The following SSBP2 variants were observed in gnomAD, a reference collection of about 807,000 sequenced individuals.
SSBP2 encodes single-stranded DNA-binding protein 2.
Under a neutral mutation model 61.8 loss-of-function variants are expected in SSBP2, and 17 were observed. That is an observed-to-expected ratio of 0.28 (90% CI 0.19 to 0.41). The LOEUF is 0.41. Among genes scored for constraint, SSBP2 ranks in the 10% least tolerant of loss-of-function variants. The pLI is 1.00. For missense variants in SSBP2, 310 were observed against 458.7 expected, an observed-to-expected ratio of 0.68 and a Z score of 2.96; for synonymous variants, 139 against 141.3, an observed-to-expected ratio of 0.98 and a Z score of 0.12.
At chr5:81,604,580 C>T (rs1007967069) in intron 4 of SSBP2, among the ~76,000 whole-genome samples, 6 of 151,690 alleles carry the variant, frequency 4.0e-5, no homozygotes, top group Admixed American at 6.6e-5. Context: ...TTAGCTGATC[C>T]AAGACAAACA....
chr5:81,695,125 T>C (rs1039019732), intron 1 of SSBP2, among the ~76,000 whole-genome samples: 4 of 152,350 alleles, frequency 2.6e-5, no homozygotes, highest in Admixed American at 6.5e-5. Context: ...AATGCCACTG[T>C]AACAGATTTC....
intron 1 of SSBP2, among the ~76,000 whole-genome samples, chr5:81,734,698 G>A (rs1432716968): frequency 2.0e-5 from 3 of 152,056 alleles, no homozygotes; most frequent in East Asian, 1.9e-4. Context: ...TTGGCCGGGC[G>A]CGGTGGCTCA....
intron 4 of SSBP2, among the ~76,000 whole-genome samples, chr5:81,598,392 A>T (rs777130150): frequency 2.6e-5 from 4 of 152,216 alleles, no homozygotes; most frequent in African/African-American, 9.6e-5. Context: ...TCAAAAATGC[A>T]TAAGAAATAT....
chr5:81,467,326 C>T (rs1764958093), intron 8 of SSBP2, among the ~76,000 whole-genome samples: 1 of 151,858 alleles, frequency 6.6e-6, no homozygotes, highest in Non-Finnish European at 1.5e-5. Context: ...TTATTAATAT[C>T]CTAAGATATG....
chr5:81,643,309 C>T (rs926001152), intron 2 of SSBP2, among the ~76,000 whole-genome samples: 5 of 152,160 alleles, frequency 3.3e-5, no homozygotes, highest in Admixed American at 6.6e-5. Context: ...GGGTTCCAAA[C>T]TTTTCATAGT....
At chr5:81,674,719 T>A (rs1385761518) in intron 1 of SSBP2, among the ~76,000 whole-genome samples, 1 of 152,026 alleles carries the variant, frequency 6.6e-6, no homozygotes, top group African/African-American at 2.4e-5. Context: ...ATACTTTTAT[T>A]CCAAAACGGT....
chr5:81,579,624 T>C (rs1774490760), intron 4 of SSBP2, among the ~76,000 whole-genome samples: 1 of 152,132 alleles, frequency 6.6e-6, no homozygotes, highest in South Asian at 2.1e-4. Context: ...ATGGAAATAT[T>C]CTGGTTGTGA....
chr5:81,576,533 A>C (rs1259810288), intron 4 of SSBP2, among the ~76,000 whole-genome samples: 1 of 152,066 alleles, frequency 6.6e-6, no homozygotes, highest in African/African-American at 2.4e-5. Flanking sequence ...CTAGAATTGA[A>C]ACCTAGGCTT....
intron 4 of SSBP2, among the ~76,000 whole-genome samples, chr5:81,578,431 A>G (rs1774393940): frequency 6.6e-6 from 1 of 152,032 alleles, no homozygotes; most frequent in Non-Finnish European, 1.5e-5. Context: ...AAAAATTTTT[A>G]CTTATAAAAA....
intron 12 of SSBP2, among the ~76,000 whole-genome samples, chr5:81,445,142 A>T (rs1411100917): frequency 4.2e-5 from 2 of 47,492 alleles, no homozygotes; most frequent in Admixed American, 2.0e-4. Context: ...AAAATTTTAT[A>T]TATATATATA....
At chr5:81,658,288 A>T (rs1305318948) in intron 1 of SSBP2, among the ~76,000 whole-genome samples, 2 of 152,118 alleles carry the variant, frequency 1.3e-5, no homozygotes, top group Non-Finnish European at 1.5e-5. Flanking sequence ...TAGATTCCAT[A>T]CAACTGAGCC....
chr5:81,609,358 T>C (rs1425372017), intron 4 of SSBP2, among the ~76,000 whole-genome samples: 3 of 152,178 alleles, frequency 2.0e-5, no homozygotes, highest in Non-Finnish European at 2.9e-5. Context: ...CTTATCCAAA[T>C]CCTAGTCATC....
At chr5:81,557,591 C>T (rs1026206620) in intron 4 of SSBP2, among the ~76,000 whole-genome samples, 3 of 152,074 alleles carry the variant, frequency 2.0e-5, no homozygotes, top group Admixed American at 2.0e-4. Flanking sequence ...GTTTCTATTG[C>T]TATGTCTTCA....
At chr5:81,427,466 C>T (rs1762026250) in intron 16 of SSBP2, among the ~76,000 whole-genome samples, 1 of 152,018 alleles carries the variant, frequency 6.6e-6, no homozygotes, top group African/African-American at 2.4e-5. Context: ...TGCAAAGGTC[C>T]CATGTGGATA....
intron 4 of SSBP2, among the ~76,000 whole-genome samples, chr5:81,553,092 T>C (rs6871860): frequency 0.47 from 70,947 of 151,902 alleles, 21,131 homozygotes; most frequent in African/African-American, 0.86. Flanking sequence ...CTAACAATTG[T>C]CCATTGTCCA....
intron 5 of SSBP2, among the ~76,000 whole-genome samples, chr5:81,507,458 G>C (rs1768264453): frequency 1.3e-5 from 2 of 151,830 alleles, no homozygotes; most frequent in Admixed American, 6.6e-5. Flanking sequence ...AATATATCAA[G>C]ATAAAAATCA....
intron 4 of SSBP2, among the ~76,000 whole-genome samples, chr5:81,598,420 T>G (rs759317576): frequency 2.6e-5 from 4 of 150,972 alleles, no homozygotes; most frequent in Admixed American, 6.6e-5. Context: ...TCAAATATCA[T>G]GGAGAAGAGA....
rs188755487 is a variant in SSBP2, at chr5:81,507,632, A to G, written c.372+5996T>C. On this transcript the variant is annotated intron_variant, in intron 5 of 16. Transcript: ENST00000320672. ...AAGGATATGAATGTATTTGGTTATT[A>G]GAGTGATAAGGAAGTTATAGTTTCC... Among the ~76,000 whole-genome samples, 65 of 152,258 alleles carry G rather than the reference A, an allele frequency of 4.3e-4. 1 individual carries two copies. Among genetic ancestry groups the G allele is most frequent in the African/African-American group, 1.4e-3 (59 of 41,558 alleles).
At chr5:81,565,757 G>A (rs925585772) in intron 4 of SSBP2, among the ~76,000 whole-genome samples, 6 of 152,010 alleles carry the variant, frequency 3.9e-5, no homozygotes, top group East Asian at 1.9e-4. Flanking sequence ...AAAAGAAAAC[G>A]GTAAGTGAAA....
Sources: gnomAD v4.1 joint callset for allele counts (sites outside exome capture counted in the v4.1 genomes callset) on GRCh38, gnomAD v4.1.1 for gene constraint, MANE v1.5 for transcripts, NCBI Gene and HGNC (gene_info 2026-07-23, HGNC 2026-07-21) for gene names.